The following MTUS2 variants were observed in gnomAD, a reference collection of about 807,000 sequenced individuals.
MTUS2 encodes the protein microtubule-associated tumor suppressor candidate 2.
MTUS2 carries 40 observed loss-of-function variants against 114.1 expected under a neutral mutation model. The ratio of observed to expected loss-of-function variants is 0.35; its 90% CI spans 0.27 to 0.46. The LOEUF is 0.46. Ranked by LOEUF, MTUS2 falls within the 20% of genes least tolerant of loss-of-function variation. The pLI is 1.00. For synonymous variants in MTUS2, 688 were observed against 672.0 expected (o/e 1.02, Z -0.37); for missense variants, 1,679 against 1,705.4 (o/e 0.98, Z 0.27).
At chr13:28,821,754 T>A (rs2137915531) in intron 1 of MTUS2, among the ~76,000 whole-genome samples, 1 of 152,370 alleles carries the variant, frequency 6.6e-6, no homozygotes, top group East Asian at 1.9e-4. Context: ...TGTCACTTTC[T>A]GTAGCCTATG....
chr13:29,407,484 T>TTATG (rs1255189848), intron 8 of MTUS2, among the ~76,000 whole-genome samples: 14 of 138,294 alleles, frequency 1.0e-4, no homozygotes, highest in Admixed American at 8.6e-4. Flanking sequence ...ATTTATTTAT[T>TTATG]TATTTATTTT....
In MTUS2 at chr13:29,502,975, G is replaced by A. The variant is rs1883004428; in HGVS notation, c.3897-18G>A. The A allele has an allele frequency of 6.2e-7, 1 of 1,612,282 alleles. No individual in the cohort carries two copies. Among genetic ancestry groups the A allele is most frequent in the African/African-American group, 1.3e-5 (1 of 75,014 alleles). ...CCACTAGCATGATTGCTACTTATTT[G>A]TCATTGTGCCCATGCAGACAGCTGT... On this transcript the variant is annotated intron_variant, in intron 15 of 15. Transcript: ENST00000612955.
chr13:29,018,133 G>A (rs1200092660), intron 2 of MTUS2, among the ~76,000 whole-genome samples: 1 of 152,194 alleles, frequency 6.6e-6, no homozygotes, highest in Non-Finnish European at 1.5e-5. Context: ...GGACTTTGAT[G>A]CTTAGAGTCT....
intron 5 of MTUS2, among the ~76,000 whole-genome samples, chr13:29,243,678 A>G (rs1243806192): frequency 6.6e-6 from 1 of 152,186 alleles, no homozygotes; most frequent in Non-Finnish European, 1.5e-5. Flanking sequence ...AAGTGTTGAA[A>G]ATATTAATAT....
intron 8 of MTUS2, among the ~76,000 whole-genome samples, chr13:29,371,049 G>A (rs563943829): frequency 2.0e-5 from 3 of 152,272 alleles, no homozygotes; most frequent in Admixed American, 6.5e-5. Flanking sequence ...CTCAGGTGAT[G>A]TTCAATTATT....
intron 1 of MTUS2, among the ~76,000 whole-genome samples, chr13:28,836,052 T>C (rs150584805): frequency 1.1e-3 from 171 of 152,324 alleles, no homozygotes; most frequent in Admixed American, 9.8e-4. Flanking sequence ...ATAGGGTATA[T>C]TTCTGTTCAA....
At position 29,317,628 on chromosome 13, in the gene MTUS2, C is replaced by T. The variant is rs1377395687; in HGVS notation, c.2807-6985C>T. Among the ~76,000 whole-genome samples, 2 of 19,100 alleles carry T rather than the reference C, an allele frequency of 1.0e-4. 1 individual carries two copies. Among genetic ancestry groups the T allele is most frequent in the African/African-American group, 2.2e-4 (2 of 9,040 alleles). 12.5% of individuals were successfully genotyped at this position (19,100 alleles called of 152,430 possible). On this transcript the variant is annotated intron_variant, in intron 6 of 15. Coordinates refer to ENST00000612955, the MANE Select transcript of MTUS2 (RefSeq NM_001033602.4). ...TAATTTTTTGTATTTTTAGTAGAGA[C>T]GGGGTTTCACCTTGTTAGCCAGGAT...
intron 2 of MTUS2, among the ~76,000 whole-genome samples, chr13:28,909,246 TG>T (rs1254555432): frequency 2.0e-5 from 3 of 151,560 alleles, no homozygotes; most frequent in Non-Finnish European, 4.4e-5. Flanking sequence ...GGTAGCTTAA[TG>T]GGGGTGGCAT....
rs1171977867 is a variant in MTUS2, at chr13:29,233,224, A to G, written c.2645-48480A>G. ...ATTTATTGAGGGTTTTGGTTTTTGC[A>G]TTTTTTAAGAAAAAAAAAAAAGTTT... On this transcript the variant is annotated intron_variant, in intron 5 of 15. Transcript: ENST00000612955. Among the ~76,000 whole-genome samples the G allele has an allele frequency of 4.9e-5, 4 of 80,932 alleles. No homozygotes were observed. In the Admixed American group the frequency reaches 5.6e-4, roughly 11 times the overall value. 53.1% of individuals were successfully genotyped at this position (80,932 alleles called of 152,430 possible).
intron 2 of MTUS2, among the ~76,000 whole-genome samples, chr13:28,849,963 A>G (rs1163919833): frequency 6.6e-6 from 1 of 152,096 alleles, no homozygotes; most frequent in Non-Finnish European, 1.5e-5. Context: ...AGGTAGTGTC[A>G]TGTTTTATCA....
At chr13:28,955,648 TC>T (rs921061613) in intron 2 of MTUS2, among the ~76,000 whole-genome samples, 141 of 152,252 alleles carry the variant, frequency 9.3e-4, no homozygotes, top group African/African-American at 3.1e-3. Context: ...CCTTTCTTAC[TC>T]CCCCTCCCTT....
intron 9 of MTUS2, among the ~76,000 whole-genome samples, chr13:29,461,096 G>T (rs762170065): frequency 1.3e-5 from 2 of 152,130 alleles, no homozygotes; most frequent in African/African-American, 2.4e-5. Flanking sequence ...GTCCAAGGTT[G>T]AGGGCCTGCT....
chr13:29,225,739 A>G (rs1293217854), intron 5 of MTUS2, among the ~76,000 whole-genome samples: 3 of 152,210 alleles, frequency 2.0e-5, no homozygotes, highest in Non-Finnish European at 2.9e-5. Context: ...ATCATAAATT[A>G]TCGCTGTGCT....
At chr13:29,143,526 A>T (rs1892311770) in intron 5 of MTUS2, among the ~76,000 whole-genome samples, 1 of 152,248 alleles carries the variant, frequency 6.6e-6, no homozygotes, top group South Asian at 2.1e-4. Flanking sequence ...TTGATCATCC[A>T]AAAGTATGAA....
chr13:29,436,758 A>G (rs1283810388), intron 8 of MTUS2, among the ~76,000 whole-genome samples: 2 of 149,424 alleles, frequency 1.3e-5, no homozygotes, highest in Non-Finnish European at 1.5e-5. Flanking sequence ...TCTCACTTCT[A>G]TCTCCTTTCC....
chr13:29,376,194 G>C (rs1288318145), intron 8 of MTUS2, among the ~76,000 whole-genome samples: 4 of 152,122 alleles, frequency 2.6e-5, no homozygotes, highest in Non-Finnish European at 5.9e-5. Flanking sequence ...GTTCTTTAAA[G>C]TATATTCAAG....
At chr13:29,284,226 C>T (rs1043561960) in intron 6 of MTUS2, among the ~76,000 whole-genome samples, 1 of 152,096 alleles carries the variant, frequency 6.6e-6, no homozygotes, top group Non-Finnish European at 1.5e-5. Flanking sequence ...GTAGCTGTTA[C>T]ATGAATGGGG....
intron 5 of MTUS2, among the ~76,000 whole-genome samples, chr13:29,214,543 A>G (rs1895599316): frequency 6.6e-6 from 1 of 152,236 alleles, no homozygotes; most frequent in South Asian, 2.1e-4. Flanking sequence ...AGCATCTTAT[A>G]AGGCAGGCCT....
intron 5 of MTUS2, among the ~76,000 whole-genome samples, chr13:29,121,704 T>A (rs922571873): frequency 6.6e-6 from 1 of 151,932 alleles, no homozygotes; most frequent in African/African-American, 2.4e-5. Context: ...TTACCCTGGC[T>A]GGAGCGCAAT....
Sources: gnomAD v4.1 joint callset for allele counts (sites outside exome capture counted in the v4.1 genomes callset) on GRCh38, gnomAD v4.1.1 for gene constraint, MANE v1.5 for transcripts, NCBI Gene and HGNC (gene_info 2026-07-23, HGNC 2026-07-21) for gene names.